PIAS2: variants seen among roughly 807,000 people sequenced by gnomAD.
PIAS2 encodes the protein protein inhibitor of activated STAT 2.
A neutral mutation model predicts 69.7 loss-of-function variants in PIAS2; 19 were observed. The ratio of observed to expected loss-of-function variants is 0.27; its 90% confidence interval spans 0.19 to 0.40. The LOEUF (loss-of-function observed/expected upper bound fraction) is 0.40, where lower values mean the gene tolerates loss of function less well. Among genes scored for constraint, PIAS2 ranks in the 10% least tolerant of loss-of-function variants. The pLI, the probability that PIAS2 is intolerant of heterozygous loss-of-function variation, is 1.00. For synonymous variants in PIAS2, 261 were observed against 263.2 expected (o/e 0.99, Z 0.08); for missense variants, 624 against 757.0 (o/e 0.82, Z 2.06).
Position 46,805,225 on chromosome 18 carries a change from T to G in PIAS2, c.*7208A>C, listed in dbSNP as rs1435175884. On this transcript the variant is annotated 3_prime_UTR_variant, in exon 14 of 14. Transcript: ENST00000585916. ...GATGGATAGGTTACTGAGGATTTCT[T>G]CAAGGCTGCAATAATGAAAGAACAG... is the stretch of plus-strand genomic sequence containing the variant. The G allele has an allele frequency of 6.6e-6, 1 of 152,182 alleles. No individual in the cohort carries two copies. Among genetic ancestry groups the G allele is most frequent in the Non-Finnish European group, 1.5e-5 (1 of 68,056 alleles). The allele number at this position is 152,182 out of a possible 1,614,324, so 9.4% of individuals were successfully genotyped here.
Position 46,845,076 on chromosome 18 carries a change from T to C in PIAS2, c.862-237A>G, listed in dbSNP as rs986107506. 4 of 280,680 alleles carry C rather than the reference T, an allele frequency of 1.4e-5. 1 individual carries two copies. In the Middle Eastern group the frequency reaches 3.1e-3, roughly 214 times the overall value. The allele number at this position is 280,680 out of a possible 1,614,324, so 17.4% of individuals were successfully genotyped here. On this transcript the variant is annotated intron_variant, in intron 6 of 13. Transcript: ENST00000585916. ...TATCACTTTAAAACATTCGCTGGTA[T>C]GGGAATATAGGTTAGATCAATGGTT...
At chr18:46,901,193 G>A (rs1396008989) in intron 1 of PIAS2, 17 of 345,014 alleles carry the variant, frequency 4.9e-5, no homozygotes, top group South Asian at 1.6e-4. Flanking sequence ...CAAGGCGGGC[G>A]GATCACCTGC....
intron 1 of PIAS2, among the ~76,000 whole-genome samples, chr18:46,909,728 A>G (rs55633240): frequency 0.01 from 1,570 of 152,348 alleles, 13 homozygotes; most frequent in Non-Finnish European, 0.017. Context: ...CTATTCCTAG[A>G]ATCTCTACAG....
intron 2 of PIAS2, among the ~76,000 whole-genome samples, chr18:46,888,317 A>G (rs2053527397): frequency 1.3e-5 from 2 of 152,000 alleles, no homozygotes; most frequent in Non-Finnish European, 2.9e-5. Flanking sequence ...TATCAATACT[A>G]CCCAAACAAA....
intron 2 of PIAS2, among the ~76,000 whole-genome samples, chr18:46,882,961 G>A (rs181567728): frequency 1.0e-3 from 152 of 151,974 alleles, no homozygotes; most frequent in Admixed American, 1.7e-3. Context: ...GCCTGGTGGC[G>A]GGTGCCTAGA....
intron 5 of PIAS2, among the ~76,000 whole-genome samples, chr18:46,852,453 G>A (rs1045567237): frequency 2.6e-5 from 4 of 152,180 alleles, no homozygotes; most frequent in African/African-American, 9.7e-5. Flanking sequence ...CCATGGAGCT[G>A]CTGCAGGCCC....
At position 46,815,442 on chromosome 18, in the gene PIAS2, T is replaced by C. The variant is rs2041406571; in HGVS notation, c.1649-93A>G. ...ATCTTTATCACAAATCACAAAACATTTGTGGTAAGTGCTTACCACTCTGTC... is the reference window on the plus strand; with the variant it reads ...ATCTTTATCACAAATCACAAAACATCTGTGGTAAGTGCTTACCACTCTGTC... On this transcript the variant is annotated intron_variant, in intron 12 of 13. Transcript: ENST00000585916. The C allele has an allele frequency of 5.7e-6, 9 of 1,590,494 alleles. No homozygotes were observed. The South Asian group carries it at 7.9e-5, about 14-fold the overall frequency.
Position 46,843,981 on chromosome 18 carries a change from C to T in PIAS2, c.1041+73G>A, listed in dbSNP as rs1000293422. The T allele has an allele frequency of 1.2e-5, 10 of 845,740 alleles. No homozygotes were observed. The African/African-American group carries it at 1.8e-4, about 15-fold the overall frequency. The allele number at this position is 845,740 out of a possible 1,614,324, so 52.4% of individuals were successfully genotyped here. A position where few individuals can be genotyped will look rare whatever the true frequency, so the allele number is the denominator to read the frequency against. ...CTTCATAATATATCATTCATTCCCA[C>T]ACTTACTTTTATAGGAAAGTTAATC... On this transcript the variant is annotated intron_variant, in intron 8 of 13. Transcript: ENST00000585916.
In PIAS2 at chr18:46,846,782, A is replaced by G. The variant is rs1160579628; in HGVS notation, c.786T>C (p.Asn262=). The G allele has an allele frequency of 1.9e-6, 3 of 1,613,244 alleles. No individual in the cohort carries two copies. Among genetic ancestry groups the G allele is most frequent in the Non-Finnish European group, 2.5e-6 (3 of 1,179,554 alleles). The part of the protein sequence containing the change: ...IEQKRPGRPL[N]ITSLVRLSSA... ...AAGATAACCTAACTAAAGATGTAATATTCAAGGGGCGTCCAGGGCGCTTCT... is the reference window on the plus strand; with the variant it reads ...AAGATAACCTAACTAAAGATGTAATGTTCAAGGGGCGTCCAGGGCGCTTCT... Residue 262 remains asparagine, a synonymous_variant, in exon 6 of 14, where the codon AAT becomes AAC. Transcript: ENST00000585916.
intron 1 of PIAS2, chr18:46,904,179 C>T (rs1278043345): frequency 3.9e-5 from 6 of 152,000 alleles, no homozygotes; most frequent in African/African-American, 1.4e-4. Flanking sequence ...GGTTGTGATA[C>T]TGTACTATGG....
At chr18:46,855,241 A>T in intron 5 of PIAS2, 104 bp downstream of exon 5, 1 of 701,222 alleles carries the variant, frequency 1.4e-6, no homozygotes, top group South Asian at 2.1e-5. Context: ...CTGGATGCTA[A>T]AACTGTTCAC....
chr18:46,915,273 C>G (rs577368324), intron 1 of PIAS2: 2 of 152,198 alleles, frequency 1.3e-5, no homozygotes, highest in East Asian at 3.9e-4. Context: ...CAGAACCAGG[C>G]ATGGAATAAC....
chr18:46,824,818 C>G (rs1356675288), intron 11 of PIAS2, among the ~76,000 whole-genome samples: 1 of 144,106 alleles, frequency 6.9e-6, no homozygotes, highest in African/African-American at 2.6e-5. Context: ...GCCTGTGCAA[C>G]ATGGTAAAAC....
At chr18:46,845,643 AC>A (rs1390751108) in intron 6 of PIAS2, among the ~76,000 whole-genome samples, 1 of 151,702 alleles carries the variant, frequency 6.6e-6, no homozygotes, top group African/African-American at 2.4e-5. Flanking sequence ...AAAAAAAAAA[AC>A]CTATCTTCCC....
chr18:46,877,094 T>C (rs2051339155), intron 2 of PIAS2, among the ~76,000 whole-genome samples: 1 of 152,212 alleles, frequency 6.6e-6, no homozygotes, highest in Non-Finnish European at 1.5e-5. Context: ...GGTGTGCTTA[T>C]TCTTGTAGGA....
At chr18:46,870,372 C>A (rs961694650) in intron 2 of PIAS2, among the ~76,000 whole-genome samples, 10 of 152,046 alleles carry the variant, frequency 6.6e-5, no homozygotes, top group African/African-American at 2.2e-4. Flanking sequence ...TCCCAGCACT[C>A]TGGGAGGCCG....
chr18:46,804,565 T>C lies in PIAS2; in HGVS notation c.*7868A>G, dbSNP rs2040603558. On this transcript the variant is annotated 3_prime_UTR_variant, in exon 14 of 14. Coordinates refer to ENST00000585916, the MANE Select transcript of PIAS2 (RefSeq NM_004671.5). ...AGGCCCTTCACGATCTATCTATGCA[T>C]ATTTCTCAATATTCCTTAGCAAACT... 6.6e-6 allele frequency: 1 copy of C among 152,228 alleles called. No individual in the cohort carries two copies. The highest frequency in any genetic ancestry group is 2.4e-5 in the African/African-American group (1 of 41,458). 9.4% of individuals were successfully genotyped at this position (152,228 alleles called of 1,614,324 possible). A position where few individuals can be genotyped will look rare whatever the true frequency, so the allele number is the denominator to read the frequency against.
At chr18:46,859,221 G>T (rs2048287160) in intron 3 of PIAS2, among the ~76,000 whole-genome samples, 1 of 152,232 alleles carries the variant, frequency 6.6e-6, no homozygotes, top group South Asian at 2.1e-4. Flanking sequence ...GAGGTCAGGA[G>T]ATCGAGACCA....
rs779420631 is a variant in PIAS2, at chr18:46,815,332, G to C, written c.1666C>G (p.Leu556Val). 6.2e-7 allele frequency: 1 copy of C among 1,611,836 alleles called. No homozygotes were observed. ...SDLPGLDFLS[L>V]IPVDPQYCPP... ...CATACCTGGGGATCAACTGGAATAAGGGAAAGAAAATCCAAACCTAAAACA... is the reference window on the plus strand; with the variant it reads ...CATACCTGGGGATCAACTGGAATAACGGAAAGAAAATCCAAACCTAAAACA... Residue 556 changes from leucine (L) to valine (V), a missense_variant, in exon 13 of 14, where the codon CTT becomes GTT. Physicochemically the swap from Leu to Val is conservative, Grantham distance 32 (BLOSUM62 1). Coordinates refer to ENST00000585916, the MANE Select transcript of PIAS2 (RefSeq NM_004671.5).
Sources: allele counts gnomAD v4.1 joint callset (sites outside exome capture counted in the v4.1 genomes callset), GRCh38; gene constraint gnomAD v4.1.1; transcripts MANE v1.5; gene names NCBI Gene and HGNC (gene_info 2026-07-23, HGNC 2026-07-21).